TOP6BL: variants seen among roughly 807,000 people sequenced by gnomAD.
The protein encoded by TOP6BL is TOP6B like initiator of meiotic double strand breaks.
At chr11:66,765,079 A>G in the TOP6BL span, among the ~76,000 whole-genome samples, 19 of 152,334 alleles carry the variant, frequency 1.2e-4, no homozygotes, top group South Asian at 4.1e-4. Context: ...GAGTGGTCAG[A>G]TCATATATAA....
chr11:66,759,405 A>G, the TOP6BL span, among the ~76,000 whole-genome samples: 1 of 152,228 alleles, frequency 6.6e-6, no homozygotes, highest in South Asian at 2.1e-4. Flanking sequence ...AACTTTAGGC[A>G]AAATTTTCCC....
the TOP6BL span, among the ~76,000 whole-genome samples, chr11:66,753,996 C>T: frequency 5.9e-5 from 9 of 152,232 alleles, no homozygotes; most frequent in Non-Finnish European, 1.0e-4. Context: ...TGAGCCACCA[C>T]GCCTGGCCAA....
the TOP6BL span, among the ~76,000 whole-genome samples, chr11:66,833,879 C>T: frequency 2.0e-5 from 3 of 151,380 alleles, no homozygotes; most frequent in Non-Finnish European, 4.4e-5. Flanking sequence ...ATCTAGGGGG[C>T]GGAGGTTGCA....
chr11:66,812,237 C>T, the TOP6BL span, among the ~76,000 whole-genome samples: 13 of 142,774 alleles, frequency 9.1e-5, no homozygotes, highest in African/African-American at 2.7e-4. Flanking sequence ...AGTGCAGTGG[C>T]GCAATCTCGG....
chr11:66,823,647 C>T, the TOP6BL span, among the ~76,000 whole-genome samples: 7 of 151,928 alleles, frequency 4.6e-5, no homozygotes, highest in Non-Finnish European at 8.8e-5. Context: ...TGGTGAAACC[C>T]CGTCTCTACT....
chr11:66,813,988 C>T, the TOP6BL span: 19 of 1,613,506 alleles, frequency 1.2e-5, no homozygotes, highest in Non-Finnish European at 1.6e-5. Flanking sequence ...GTGTATGATA[C>T]CCAATTTGGA....
chr11:66,795,674 A>G, the TOP6BL span, among the ~76,000 whole-genome samples: 25 of 151,994 alleles, frequency 1.6e-4, no homozygotes, highest in Non-Finnish European at 3.1e-4. Flanking sequence ...CCTATTTTGC[A>G]GATTAGGAAA....
chr11:66,745,313 G>A, the TOP6BL span, among the ~76,000 whole-genome samples: 5 of 144,474 alleles, frequency 3.5e-5, no homozygotes, highest in African/African-American at 5.0e-5. Context: ...GCGGGGCGGG[G>A]TGGGGGGAGT....
the TOP6BL span, among the ~76,000 whole-genome samples, chr11:66,790,395 G>T: frequency 6.6e-6 from 1 of 152,214 alleles, no homozygotes; most frequent in Non-Finnish European, 1.5e-5. Context: ...AGCCCTGAAT[G>T]CTATGTTAGC....
At chr11:66,776,896 C>T in the TOP6BL span, among the ~76,000 whole-genome samples, 1 of 151,984 alleles carries the variant, frequency 6.6e-6, no homozygotes, top group African/African-American at 2.4e-5. Flanking sequence ...CAAAAAAATA[C>T]AAAAATTAGC....
chr11:66,785,380 C>G, the TOP6BL span, among the ~76,000 whole-genome samples: 2 of 152,040 alleles, frequency 1.3e-5, no homozygotes, highest in Non-Finnish European at 1.5e-5. Flanking sequence ...AAAATCTCTC[C>G]CAGATTGTTC....
chr11:66,761,627 T>A, the TOP6BL span: 1 of 1,215,398 alleles, frequency 8.2e-7, no homozygotes, highest in Non-Finnish European at 1.1e-6. Context: ...AATGTACGCC[T>A]GGTGCTCCGG....
the TOP6BL span, among the ~76,000 whole-genome samples, chr11:66,801,594 G>A: frequency 1.3e-5 from 2 of 152,298 alleles, no homozygotes; most frequent in African/African-American, 4.8e-5. Flanking sequence ...CCAGCACTTT[G>A]GGAGGCTGAA....
At chr11:66,836,781 A>G in the TOP6BL span, among the ~76,000 whole-genome samples, 1 of 147,750 alleles carries the variant, frequency 6.8e-6, no homozygotes, top group African/African-American at 2.5e-5. Flanking sequence ...GCTCACTGCA[A>G]CCTCTACCTC....
chr11:66,779,307 A>G, the TOP6BL span, among the ~76,000 whole-genome samples: 2 of 152,328 alleles, frequency 1.3e-5, no homozygotes, highest in African/African-American at 4.8e-5. Context: ...GAACTCCAAC[A>G]AATTTACAAG....
the TOP6BL span, chr11:66,828,507 C>A: frequency 1.6e-6 from 1 of 619,156 alleles, no homozygotes; most frequent in South Asian, 1.9e-5. Context: ...GAAACAAAAT[C>A]ATCTGTTTTC....
chr11:66,842,689 AGC>A, the TOP6BL span: 5 of 693,778 alleles, frequency 7.2e-6, no homozygotes, highest in Non-Finnish European at 1.2e-5. Flanking sequence ...CTGCTCCAGA[AGC>A]GCCCACAGCT....
chr11:66,839,966 G>C, the TOP6BL span, among the ~76,000 whole-genome samples: 16 of 152,118 alleles, frequency 1.1e-4, no homozygotes, highest in African/African-American at 3.6e-4. Flanking sequence ...CGCTTAGCAG[G>C]AGGTAATGAC....
the TOP6BL span, chr11:66,758,015 T>C: frequency 2.1e-6 from 1 of 468,852 alleles, no homozygotes; most frequent in Non-Finnish European, 2.8e-6. Context: ...TCAACCTTAT[T>C]TCCCTGTCTG....
Sources: allele counts gnomAD v4.1 joint callset (sites outside exome capture counted in the v4.1 genomes callset), GRCh38; gene constraint gnomAD v4.1.1; transcripts MANE v1.5; gene names NCBI Gene and HGNC (gene_info 2026-07-23, HGNC 2026-07-21).